The following TSNAX variants were observed in gnomAD, a reference collection of about 807,000 sequenced individuals.
The protein encoded by TSNAX is translin associated factor X, also known as translin-associated protein X.
Under a neutral mutation model 33.0 loss-of-function variants are expected in TSNAX, and 12 were observed. The observed-to-expected ratio is 0.36, with a 90% CI of 0.23 to 0.59. TSNAX has a LOEUF of 0.59. TSNAX is among the 20% of genes least tolerant of loss of function. The probability of loss-of-function intolerance (pLI) is 0.74; values close to 1 mark genes in which losing one functional copy is unlikely to be tolerated. For synonymous variants in TSNAX, 110 were observed against 117.2 expected (o/e 0.94, Z 0.40); for missense variants, 267 against 341.3 (o/e 0.78, Z 1.72).
chr1:231,534,032 G>A (rs1457646375), intron 2 of TSNAX: 2 of 152,072 alleles, frequency 1.3e-5, no homozygotes, highest in Non-Finnish European at 1.5e-5. Context: ...ACATTGTAAT[G>A]TCTCTTTTTA....
At chr1:231,542,636 A>AAT (rs1558125478) in intron 4 of TSNAX, 25 bp downstream of exon 4, 1 of 1,602,870 alleles carries the variant, frequency 6.2e-7, no homozygotes, top group Non-Finnish European at 8.5e-7. Flanking sequence ...GTTTCAGGGT[A>AAT]ATATATATTT....
chr1:231,564,844 T>C lies in TSNAX; in HGVS notation c.812T>C (p.Met271Thr), dbSNP rs777351433. Residue 271 changes from methionine (M) to threonine (T), a missense_variant, in exon 6 of 6, where the codon ATG becomes ACG. This residue lies in a region of TSNAX where 67 missense variants were observed against 127.2 expected (regional missense o/e 0.53). Coordinates refer to ENST00000366639, the MANE Select transcript of TSNAX (RefSeq NM_005999.3). ...AGAGGGTCAGAAATTCCAAAACATATGTTGGCAGATGTGTTTTCAGTTAAA... is the reference window on the plus strand; with the variant it reads ...AGAGGGTCAGAAATTCCAAAACATACGTTGGCAGATGTGTTTTCAGTTAAA... Reference protein sequence around the residue: ...KVRGSEIPKHMLADVFSVKTE... With the variant: ...KVRGSEIPKHTLADVFSVKTE... 5 of 1,614,172 alleles carry C rather than the reference T, an allele frequency of 3.1e-6. No individual in the cohort carries two copies. The highest frequency in any genetic ancestry group is 3.4e-6 in the Non-Finnish European group (4 of 1,180,026).
At chr1:231,555,639 G>T (rs1007828999) in intron 4 of TSNAX, among the ~76,000 whole-genome samples, 1 of 152,040 alleles carries the variant, frequency 6.6e-6, no homozygotes, top group African/African-American at 2.4e-5. Flanking sequence ...AAAATCAAAC[G>T]AATTCTAACC....
At chr1:231,528,958 T>C in intron 1 of TSNAX, 132 bp downstream of exon 1, 2 of 1,248,358 alleles carry the variant, frequency 1.6e-6, no homozygotes, top group Non-Finnish European at 2.3e-6. Context: ...GCCCCTCTGT[T>C]TCTCTCCCCG....
chr1:231,564,495 G>T, intron 5 of TSNAX, 33 bp from the exon 6 acceptor site: 1 of 1,590,200 alleles, frequency 6.3e-7, no homozygotes, highest in Non-Finnish European at 8.6e-7. Context: ...GTGTGTGTGT[G>T]TGTGTTTTTG....
intron 3 of TSNAX, among the ~76,000 whole-genome samples, chr1:231,540,233 T>G (rs1170789616): frequency 6.6e-6 from 1 of 150,570 alleles, no homozygotes; most frequent in Non-Finnish European, 1.5e-5. Context: ...ACAGTACAGC[T>G]GAAAAACTGT....
chr1:231,553,243 G>GT (rs1660451185), intron 4 of TSNAX, among the ~76,000 whole-genome samples: 1 of 152,148 alleles, frequency 6.6e-6, no homozygotes, highest in African/African-American at 2.4e-5. Context: ...TTTATATATA[G>GT]TTTTTGATGG....
intron 4 of TSNAX, among the ~76,000 whole-genome samples, chr1:231,552,525 C>T (rs537584950): frequency 2.1e-5 from 3 of 145,938 alleles, no homozygotes; most frequent in African/African-American, 8.0e-5. Context: ...GATTTGGTGA[C>T]GCTAACTTGT....
At chr1:231,557,057 C>G (rs1372008437) in intron 4 of TSNAX, among the ~76,000 whole-genome samples, 1 of 152,026 alleles carries the variant, frequency 6.6e-6, no homozygotes, top group African/African-American at 2.4e-5. Flanking sequence ...GGGGGGAGAC[C>G]AGGACATGCT....
At chr1:231,563,346 C>T (rs534196113) in intron 5 of TSNAX, 1 of 152,682 alleles carries the variant, frequency 6.5e-6, no homozygotes, top group South Asian at 2.1e-4. Flanking sequence ...ATCATGATAG[C>T]AGCTAGCATT....
Position 231,528,700 on chromosome 1 carries a change from A to G in TSNAX, c.-111A>G, listed in dbSNP as rs1658426565. The G allele has an allele frequency of 4.6e-6, 6 of 1,312,404 alleles. No individual in the cohort carries two copies. Among genetic ancestry groups the G allele is most frequent in the South Asian group, 2.4e-5 (2 of 82,528 alleles). 81.3% of individuals were successfully genotyped at this position (1,312,404 alleles called of 1,614,324 possible). A position where few individuals can be genotyped will look rare whatever the true frequency, so the allele number is the denominator to read the frequency against. ...ACTGCGTTGTAGTCGGCCCGGCTGC[A>G]AAGCGTTTTTCTGCAGGCTGTTTTC... On this transcript the variant is annotated 5_prime_UTR_variant, in exon 1 of 6. Coordinates refer to ENST00000366639, the MANE Select transcript of TSNAX (RefSeq NM_005999.3).
intron 4 of TSNAX, among the ~76,000 whole-genome samples, chr1:231,552,112 A>G (rs968458262): frequency 1.3e-5 from 2 of 152,200 alleles, no homozygotes; most frequent in African/African-American, 4.8e-5. Context: ...CCTAGACAAC[A>G]TGATGAAACC....
chr1:231,561,933 C>T (rs1661144265), intron 5 of TSNAX, among the ~76,000 whole-genome samples: 1 of 152,122 alleles, frequency 6.6e-6, no homozygotes, highest in South Asian at 2.1e-4. Context: ...ATAGTGAGAG[C>T]TGTTAATCAT....
intron 4 of TSNAX, among the ~76,000 whole-genome samples, chr1:231,552,811 G>A (rs1660412652): frequency 6.6e-6 from 1 of 152,114 alleles, no homozygotes; most frequent in South Asian, 2.1e-4. Flanking sequence ...ATGGTAATTT[G>A]TCTATTCTGG....
In TSNAX at chr1:231,530,672, C is replaced by G. The variant is rs538866395; in HGVS notation, c.121+1313C>G. Among the ~76,000 whole-genome samples the G allele has an allele frequency of 2.4e-4, 36 of 148,220 alleles. No homozygotes were observed. The East Asian group carries it at 6.0e-3, about 25-fold the overall frequency. The stretch of plus-strand genomic sequence containing the variant: ...CTTGCAGTGAGCCGAGATCGTGCCA[C>G]TGCACTCCAGCCTGGGCAACAGAGC... On this transcript the variant is annotated intron_variant, in intron 2 of 5. Transcript: ENST00000366639.
At chr1:231,530,918 G>T (rs1331192835) in intron 2 of TSNAX, among the ~76,000 whole-genome samples, 4 of 151,510 alleles carry the variant, frequency 2.6e-5, no homozygotes, top group Non-Finnish European at 4.4e-5. Flanking sequence ...TTGCTTCTAA[G>T]GTGGTGTCCT....
chr1:231,555,499 T>C (rs560342296), intron 4 of TSNAX, among the ~76,000 whole-genome samples: 1 of 152,316 alleles, frequency 6.6e-6, no homozygotes, highest in African/African-American at 2.4e-5. Context: ...GTAATAATGG[T>C]TGTACAACAT....
At position 231,564,595 on chromosome 1, in the gene TSNAX, T is replaced by C; in HGVS notation, c.563T>C (p.Leu188Pro). The C allele has an allele frequency of 6.2e-7, 1 of 1,614,156 alleles. No homozygotes were observed. Among genetic ancestry groups the C allele is most frequent in the Non-Finnish European group, 8.5e-7 (1 of 1,180,020 alleles). Reference sequence around the variant, plus strand: ...CTGAGAGTCACACCTGTCGATTACCTTCTGGGAGTGGCTGACTTAACTGGA... The same window carrying C: ...CTGAGAGTCACACCTGTCGATTACCCTCTGGGAGTGGCTGACTTAACTGGA... ...WRLRVTPVDY[L>P]LGVADLTGEL... Residue 188 changes from leucine to proline, a missense_variant, in exon 6 of 6, where the codon CTT (leucine) becomes CCT (proline). By Grantham distance (98) the Leu-to-Pro change is moderately conservative. This residue lies in a region of TSNAX where 67 missense variants were observed against 127.2 expected (regional missense o/e 0.53). Transcript: ENST00000366639.
chr1:231,548,001 C>A (rs1364609296), intron 4 of TSNAX, among the ~76,000 whole-genome samples: 1 of 151,900 alleles, frequency 6.6e-6, no homozygotes, highest in Non-Finnish European at 1.5e-5. Context: ...CTACCACGCC[C>A]GGCTAATTTT....
Sources: gnomAD v4.1 joint callset for allele counts (sites outside exome capture counted in the v4.1 genomes callset) on GRCh38, gnomAD v4.1.1 for gene constraint, gnomAD v4.1.1 regional missense constraint, MANE v1.5 for transcripts, NCBI Gene and HGNC (gene_info 2026-07-23, HGNC 2026-07-21) for gene names.